Variants in FANK1 observed in about 807,000 individuals in gnomAD.
FANK1 encodes the protein fibronectin type 3 and ankyrin repeat domains protein 1.
In FANK1, 44 loss-of-function variants were observed where a neutral mutation model predicts 45.3. The ratio of observed to expected loss-of-function variants is 0.97; its 90% CI spans 0.76 to 1.25. The LOEUF is 1.25. Among genes scored for constraint, FANK1 ranks in the 50% most tolerant of loss-of-function variants. The pLI is 0.00. For synonymous variants in FANK1, 149 were observed against 152.5 expected, an observed-to-expected ratio of 0.98 and a Z score of 0.17; for missense variants, 391 against 424.4, an observed-to-expected ratio of 0.92 and a Z score of 0.69.
At chr10:126,002,121 G>GCC (rs1203992211) in intron 6 of FANK1, among the ~76,000 whole-genome samples, 3 of 151,812 alleles carry the variant, frequency 2.0e-5, no homozygotes, top group Non-Finnish European at 4.4e-5. Flanking sequence ...GACCAGCCTG[G>GCC]CCAGGCTGGT....
At chr10:125,952,882 G>A (rs1216947884) in intron 1 of FANK1, among the ~76,000 whole-genome samples, 1 of 149,886 alleles carries the variant, frequency 6.7e-6, no homozygotes, top group African/African-American at 2.5e-5. Flanking sequence ...GCCTGATATG[G>A]TGGACTCATT....
chr10:125,962,860 C>T (rs150942379), intron 1 of FANK1, among the ~76,000 whole-genome samples: 2,148 of 151,946 alleles, frequency 0.014, 51 homozygotes, highest in Admixed American at 0.05. Flanking sequence ...TTATAAAGTA[C>T]AAATATATTT....
intron 1 of FANK1, among the ~76,000 whole-genome samples, chr10:125,969,349 T>TA (rs538124047): frequency 4.4e-3 from 621 of 141,860 alleles, no homozygotes; most frequent in South Asian, 0.016. Context: ...TTATCAGACT[T>TA]AAAAAAAAAA....
chr10:125,906,515 CA>C (rs34132526), intron 1 of FANK1, among the ~76,000 whole-genome samples: 2,006 of 46,292 alleles, frequency 0.043, 17 homozygotes, highest in African/African-American at 0.09. Flanking sequence ...GACTCTGTCT[CA>C]AAAAAAAAAA....
At chr10:125,986,282 T>C (rs1951554577) in intron 2 of FANK1, among the ~76,000 whole-genome samples, 1 of 152,194 alleles carries the variant, frequency 6.6e-6, no homozygotes, top group South Asian at 2.1e-4. Context: ...TTTTCTTGGC[T>C]CTGCTGGTGC....
chr10:125,996,017 G>A (rs1176822888), intron 4 of FANK1, among the ~76,000 whole-genome samples: 2 of 152,234 alleles, frequency 1.3e-5, no homozygotes, highest in East Asian at 1.9e-4. Flanking sequence ...TAGAAGACAA[G>A]TCATTTGTGA....
intron 1 of FANK1, among the ~76,000 whole-genome samples, chr10:125,905,130 C>CAAAAAAAAAAAAA (rs11289535): frequency 8.8e-5 from 6 of 68,132 alleles, no homozygotes; most frequent in Admixed American, 1.9e-4. Flanking sequence ...GACTCTGTCC[C>CAAAAAAAAAAAAA]AAAAAAAAAA....
chr10:125,939,370 G>A (rs1272370422), intron 1 of FANK1, among the ~76,000 whole-genome samples: 2 of 152,128 alleles, frequency 1.3e-5, no homozygotes, highest in Non-Finnish European at 2.9e-5. Flanking sequence ...CAGTGTAATG[G>A]TATTGGGTTA....
intron 1 of FANK1, among the ~76,000 whole-genome samples, chr10:125,916,641 C>G (rs1278406460): frequency 1.3e-5 from 2 of 152,108 alleles, no homozygotes; most frequent in African/African-American, 4.8e-5. Flanking sequence ...ACTATTCAGC[C>G]TTACAGAGAA....
chr10:125,906,837 T>C (rs1297566157), intron 1 of FANK1, among the ~76,000 whole-genome samples: 1 of 152,198 alleles, frequency 6.6e-6, no homozygotes, highest in Non-Finnish European at 1.5e-5. Context: ...ATTGTACTTT[T>C]GTTTCTTGAT....
chr10:125,993,612 G>A (rs1223659887), intron 3 of FANK1, among the ~76,000 whole-genome samples: 1 of 152,110 alleles, frequency 6.6e-6, no homozygotes, highest in Non-Finnish European at 1.5e-5. Flanking sequence ...TGTCCTCTGG[G>A]GTATAAAACC....
chr10:125,925,308 AAAATG>A (rs1947270665), intron 1 of FANK1, among the ~76,000 whole-genome samples: 1 of 152,268 alleles, frequency 6.6e-6, no homozygotes, highest in African/African-American at 2.4e-5. Context: ...AACTTTTATC[AAAATG>A]AAATGTTTTC....
intron 1 of FANK1, among the ~76,000 whole-genome samples, chr10:125,929,470 G>A (rs73368631): frequency 0.015 from 2,300 of 152,224 alleles, 57 homozygotes; most frequent in African/African-American, 0.051. Flanking sequence ...GTGAAACTTC[G>A]GAGAAAGCAC....
intron 7 of FANK1, among the ~76,000 whole-genome samples, chr10:126,006,427 A>G (rs753230871): frequency 1.3e-5 from 2 of 152,238 alleles, no homozygotes; most frequent in African/African-American, 2.4e-5. Context: ...GTGGGCTTCC[A>G]TAGTAGAGCC....
At chr10:125,950,816 C>G (rs1949160075) in intron 1 of FANK1, among the ~76,000 whole-genome samples, 1 of 146,172 alleles carries the variant, frequency 6.8e-6, no homozygotes, top group Admixed American at 6.9e-5. Context: ...CGGCATTATT[C>G]ACAATTGCAA....
chr10:125,979,679 T>C, intron 1 of FANK1: 1 of 310,308 alleles, frequency 3.2e-6, no homozygotes, highest in South Asian at 2.7e-5. Context: ...GCTCATCTTT[T>C]GCTAGGTTTG....
intron 6 of FANK1, among the ~76,000 whole-genome samples, chr10:126,000,606 A>G (rs1453047684): frequency 6.6e-6 from 1 of 152,200 alleles, no homozygotes; most frequent in Non-Finnish European, 1.5e-5. Context: ...AAAAAACAAA[A>G]CCATAAAAAA....
intron 1 of FANK1, among the ~76,000 whole-genome samples, chr10:125,900,786 G>A (rs915429565): frequency 3.9e-5 from 6 of 152,086 alleles, no homozygotes; most frequent in African/African-American, 1.2e-4. Flanking sequence ...CAAGTAGCTG[G>A]GATTACAGGT....
chr10:125,955,892 C>T (rs1368049151), intron 1 of FANK1, among the ~76,000 whole-genome samples: 2 of 152,096 alleles, frequency 1.3e-5, no homozygotes, highest in Admixed American at 6.5e-5. Flanking sequence ...TGTTCTAAGG[C>T]AGTGGAAGGA....
Sources: allele counts gnomAD v4.1 joint callset (sites outside exome capture counted in the v4.1 genomes callset), GRCh38; gene constraint gnomAD v4.1.1; transcripts MANE v1.5; gene names NCBI Gene and HGNC (gene_info 2026-07-23, HGNC 2026-07-21).